The following CFAP20DC variants were observed in gnomAD, a reference collection of about 807,000 sequenced individuals.
CFAP20DC encodes CFAP20 domain containing.
Under a neutral mutation model 101.7 loss-of-function variants are expected in CFAP20DC, and 84 were observed. That is an observed-to-expected ratio of 0.83 (90% confidence interval 0.69 to 0.99). The LOEUF is 0.99. Ranked by LOEUF, CFAP20DC falls within the 50% of genes least tolerant of loss-of-function variation. The probability of loss-of-function intolerance (pLI) is 0.00; values close to 1 mark genes in which losing one functional copy is unlikely to be tolerated. For synonymous variants in CFAP20DC, 359 were observed against 351.2 expected (o/e 1.02, Z -0.25); for missense variants, 1,007 against 970.3 (o/e 1.04, Z -0.50).
In CFAP20DC at chr3:58,914,282, G is replaced by A. The variant is rs2084449327; in HGVS notation, c.394-418C>T. On this transcript the variant is annotated intron_variant, in intron 5 of 16. Coordinates refer to ENST00000482387, the MANE Select transcript of CFAP20DC (RefSeq NM_001394063.1). This position sits in a 1 kb window ranked among gnomAD's most constrained non-coding sequence, Gnocchi z 4.9. The stretch of plus-strand genomic sequence containing the variant: ...TTAGCCACTCGTATTTGTTGAAAAA[G>A]GCATGGATGAAATTAGAAGCTGGGT... Among the ~76,000 whole-genome samples, 1 of 152,102 alleles carries A rather than the reference G, an allele frequency of 6.6e-6. No individual in the cohort carries two copies. Among genetic ancestry groups the A allele is most frequent in the Non-Finnish European group, 1.5e-5 (1 of 68,010 alleles).
intron 6 of CFAP20DC, among the ~76,000 whole-genome samples, chr3:58,909,114 G>A (rs1020838466): frequency 1.3e-5 from 2 of 152,110 alleles, no homozygotes; most frequent in Admixed American, 6.6e-5. Flanking sequence ...CCCAAAGAGC[G>A]TATAGTACCA....
intron 12 of CFAP20DC, among the ~76,000 whole-genome samples, chr3:58,860,807 ACT>A (rs2079185254): frequency 6.6e-6 from 1 of 152,084 alleles, no homozygotes; most frequent in Non-Finnish European, 1.5e-5. Context: ...TATGAAAAGC[ACT>A]CTATTTTAAT....
In CFAP20DC at chr3:58,736,939, A is replaced by G. The variant is rs191553024; in HGVS notation, c.197+16830T>C. On this transcript the variant is annotated intron_variant, in intron 3 of 3. Coordinates refer to the CFAP20DC transcript ENST00000486145. ...AATTATTTTGACTTAATGTGATTCTAAATTACATTAAAACCACGCAAACCA... is the reference window on the plus strand; with the variant it reads ...AATTATTTTGACTTAATGTGATTCTGAATTACATTAAAACCACGCAAACCA... Among the ~76,000 whole-genome samples, 359 of 152,338 alleles carry G rather than the reference A, an allele frequency of 2.4e-3. 2 individuals are homozygous for G. In the Middle Eastern group the frequency reaches 0.024, roughly 10 times the overall value.
At chr3:58,741,312 C>T (rs947620071), downstream of CFAP20DC, among the ~76,000 whole-genome samples, 2 of 151,996 alleles carry the variant, frequency 1.3e-5, no homozygotes, top group African/African-American at 4.8e-5. Context: ...CCTTGTGATC[C>T]GGCAAGCAGA....
intron 4 of CFAP20DC, among the ~76,000 whole-genome samples, chr3:58,949,922 G>A (rs2089894144): frequency 2.0e-5 from 3 of 152,178 alleles, no homozygotes; most frequent in Admixed American, 6.5e-5. Flanking sequence ...TCTGGCCAGG[G>A]CAATTAGGCA....
At chr3:58,801,160 G>GTGGGT (rs1209532197) in intron 15 of CFAP20DC, among the ~76,000 whole-genome samples, 1 of 152,040 alleles carries the variant, frequency 6.6e-6, no homozygotes, top group Non-Finnish European at 1.5e-5. Flanking sequence ...AGCCAGACCC[G>GTGGGT]TGGGTTCTAA....
chr3:58,735,145 T>C (rs1299922904), intron 3 of CFAP20DC, among the ~76,000 whole-genome samples: 1 of 152,188 alleles, frequency 6.6e-6, no homozygotes, highest in African/African-American at 2.4e-5. Context: ...GACACACACA[T>C]ACTAATTTTA....
intron 4 of CFAP20DC, among the ~76,000 whole-genome samples, chr3:59,033,059 G>A (rs1397998083): frequency 1.3e-5 from 2 of 152,010 alleles, no homozygotes; most frequent in Non-Finnish European, 2.9e-5. Flanking sequence ...AGGCAAACAG[G>A]GTCTGAAGTG....
chr3:59,022,423 A>G (rs1467237653), intron 4 of CFAP20DC, among the ~76,000 whole-genome samples: 3 of 152,218 alleles, frequency 2.0e-5, no homozygotes, highest in East Asian at 3.9e-4. Context: ...AAGCTTTTTA[A>G]AAGTTTATGC....
At chr3:58,773,397 A>AAAAAAG (rs1200043663) in intron 15 of CFAP20DC, among the ~76,000 whole-genome samples, 1 of 149,862 alleles carries the variant, frequency 6.7e-6, no homozygotes, top group Non-Finnish European at 1.5e-5. Flanking sequence ...GCAAAAAAAA[A>AAAAAAG]AAAAAGAAAA....
At chr3:58,831,962 T>A (rs1464026775) in intron 13 of CFAP20DC, 73 bp from the exon 14 acceptor site, 2 of 1,321,642 alleles carry the variant, frequency 1.5e-6, no homozygotes, top group Non-Finnish European at 2.2e-6. Flanking sequence ...TGCCACAGCC[T>A]TAACCCCTAC....
intron 3 of CFAP20DC, among the ~76,000 whole-genome samples, chr3:58,733,436 G>C (rs1321197491): frequency 6.6e-6 from 1 of 152,094 alleles, no homozygotes; most frequent in African/African-American, 2.4e-5. Flanking sequence ...CATATACTCT[G>C]AGGGAAAAAA....
At chr3:58,756,354 A>G (rs2068956761) in intron 15 of CFAP20DC, among the ~76,000 whole-genome samples, 1 of 151,836 alleles carries the variant, frequency 6.6e-6, no homozygotes, top group South Asian at 2.1e-4. Context: ...CCCTAAACCT[A>G]CTCTCTCAAG....
chr3:58,994,413 G>A (rs1201043237), intron 4 of CFAP20DC, among the ~76,000 whole-genome samples: 6 of 152,064 alleles, frequency 3.9e-5, no homozygotes, highest in Non-Finnish European at 8.8e-5. Context: ...AATTCTATGA[G>A]GCAGAGAAAA....
rs2078014433 is a variant in CFAP20DC, at chr3:58,849,336, C to G, written c.1667G>C (p.Ser556Thr). 3.3e-6 allele frequency: 5 copies of G among 1,535,996 alleles called. No homozygotes were observed. The South Asian group carries it at 6.0e-5, about 18-fold the overall frequency. ...CCGCTTTGCAGCCTTCCCCAGCAGG[C>G]TCTCTAATGTTAACTGAGTTAACTC... Reference protein sequence around the residue: ...PSELTQLTLESLLGKAAKRTS... With the variant: ...PSELTQLTLETLLGKAAKRTS... The change falls in exon 13 of 17, where the codon AGC (serine) becomes ACC (threonine). Residue 556 changes from serine (S) to threonine (T), a missense_variant. Coordinates refer to ENST00000482387, the MANE Select transcript of CFAP20DC (RefSeq NM_001394063.1).
At chr3:58,884,406 C>T (rs919101665) in intron 7 of CFAP20DC, 139 bp downstream of exon 7, 12 of 681,190 alleles carry the variant, frequency 1.8e-5, no homozygotes, top group Admixed American at 3.0e-5. Context: ...TAGCCCCTGG[C>T]GTGGTATGTG....
intron 6 of CFAP20DC, among the ~76,000 whole-genome samples, chr3:58,888,192 C>A (rs961478709): frequency 6.6e-6 from 1 of 152,126 alleles, no homozygotes; most frequent in African/African-American, 2.4e-5. Context: ...CATTAAATAG[C>A]GCTTCATTGT....
chr3:58,857,188 T>G lies in CFAP20DC; in HGVS notation c.1593+6370A>C, dbSNP rs192201510. Among the ~76,000 whole-genome samples the G allele has an allele frequency of 5.2e-4, 79 of 152,354 alleles. 1 individual carries two copies. Among genetic ancestry groups the G allele is most frequent in the African/African-American group, 1.9e-3 (77 of 41,584 alleles). Reference sequence around the variant, plus strand: ...AGGTAGAAGATAGTAAATGTCATTTTAGGAATTTCAGATGTACTATTTTGG... The same window carrying G: ...AGGTAGAAGATAGTAAATGTCATTTGAGGAATTTCAGATGTACTATTTTGG... On this transcript the variant is annotated intron_variant, in intron 12 of 16. Coordinates refer to ENST00000482387, the MANE Select transcript of CFAP20DC (RefSeq NM_001394063.1).
chr3:58,812,259 T>A (rs1183928418), intron 14 of CFAP20DC, among the ~76,000 whole-genome samples: 1 of 152,142 alleles, frequency 6.6e-6, no homozygotes, highest in Non-Finnish European at 1.5e-5. Context: ...TGCACACGTA[T>A]GTTTATTGCG....
Sources: gnomAD v4.1 joint callset for allele counts (sites outside exome capture counted in the v4.1 genomes callset) on GRCh38, gnomAD v4.1.1 for gene constraint, Gnocchi (gnomAD v3.1) non-coding constraint, MANE v1.5 for transcripts, NCBI Gene and HGNC (gene_info 2026-07-23, HGNC 2026-07-21) for gene names.